SGCZ: variants seen among roughly 807,000 people sequenced by gnomAD.
SGCZ encodes sarcoglycan zeta, also known as zeta-sarcoglycan.
SGCZ carries 40 observed loss-of-function variants against 41.3 expected under a neutral mutation model. The observed-to-expected ratio is 0.97, with a 90% confidence interval of 0.75 to 1.26. The LOEUF is 1.26. Ranked by LOEUF, SGCZ falls within the 50% of genes most tolerant of loss-of-function variation. The probability of loss-of-function intolerance (pLI) is 0.00; values close to 1 mark genes in which losing one functional copy is unlikely to be tolerated. For missense variants in SGCZ, 552 were observed against 369.8 expected (o/e 1.49, Z -4.04); for synonymous variants, 206 against 137.5 (o/e 1.50, Z -3.49).
At chr8:14,977,924 CAT>C (rs148245364) in intron 1 of SGCZ, among the ~76,000 whole-genome samples, 2 of 151,358 alleles carry the variant, frequency 1.3e-5, no homozygotes, top group African/African-American at 2.4e-5. Context: ...TATACACACA[CAT>C]ATATATCTAA....
At position 14,287,378 on chromosome 8, in the gene SGCZ, C is replaced by G. The variant is rs1026882607; in HGVS notation, c.336+36725G>C. 2.0e-4 allele frequency among the ~76,000 whole-genome samples: 30 copies of G among 151,998 alleles called. 1 individual carries two copies. The highest frequency in any genetic ancestry group is 1.4e-3 in the Admixed American group (21 of 15,228). ...AATAACAACCCTCTATTTGACTTTG[C>G]TTAATAACAATTAAGTGCTAAGACT... On this transcript the variant is annotated intron_variant, in intron 3 of 7. Coordinates refer to ENST00000382080, the MANE Select transcript of SGCZ (RefSeq NM_139167.4).
intron 1 of SGCZ, among the ~76,000 whole-genome samples, chr8:15,202,115 A>G (rs1386241773): frequency 6.6e-6 from 1 of 152,208 alleles, no homozygotes; most frequent in Non-Finnish European, 1.5e-5. Context: ...AAGCAACTGA[A>G]TAACAATTTC....
chr8:14,555,144 C>G (rs760181205), intron 1 of SGCZ, among the ~76,000 whole-genome samples: 7 of 151,852 alleles, frequency 4.6e-5, no homozygotes, highest in Admixed American at 3.9e-4. Context: ...ATTGTTATAT[C>G]CACAATATAT....
intron 1 of SGCZ, among the ~76,000 whole-genome samples, chr8:15,092,045 G>A (rs1185576792): frequency 1.3e-5 from 2 of 152,112 alleles, no homozygotes; most frequent in Non-Finnish European, 2.9e-5. Context: ...GAGGCACCGT[G>A]CCTGGCCACT....
At chr8:14,121,523 A>T (rs955289031) in intron 5 of SGCZ, among the ~76,000 whole-genome samples, 2 of 152,144 alleles carry the variant, frequency 1.3e-5, no homozygotes, top group African/African-American at 4.8e-5. Context: ...CTTTCAAATT[A>T]TACAGGGTTT....
At chr8:15,237,285 C>A (rs1456481198) in intron 1 of SGCZ, among the ~76,000 whole-genome samples, 1 of 152,054 alleles carries the variant, frequency 6.6e-6, no homozygotes, top group African/African-American at 2.4e-5. Flanking sequence ...GCAAGAGGCG[C>A]AGGGTCTGCA....
At chr8:14,317,769 A>C (rs1377896786) in intron 3 of SGCZ, among the ~76,000 whole-genome samples, 2 of 151,964 alleles carry the variant, frequency 1.3e-5, no homozygotes. Flanking sequence ...CATAAAAGTC[A>C]TGGCAAAAAC....
intron 1 of SGCZ, among the ~76,000 whole-genome samples, chr8:14,744,692 TG>T (rs1279324826): frequency 2.0e-5 from 3 of 152,074 alleles, no homozygotes; most frequent in African/African-American, 7.2e-5. Context: ...ACTTGCAGAA[TG>T]ACTGAAAAAA....
intron 1 of SGCZ, among the ~76,000 whole-genome samples, chr8:15,059,843 T>C (rs955441687): frequency 1.1e-4 from 16 of 152,288 alleles, no homozygotes; most frequent in African/African-American, 3.4e-4. Flanking sequence ...CTTTCCAAGG[T>C]CTTTTCATCC....
chr8:14,548,118 T>C (rs2117169866), intron 2 of SGCZ, among the ~76,000 whole-genome samples: 1 of 152,244 alleles, frequency 6.6e-6, no homozygotes, highest in Non-Finnish European at 1.5e-5. Flanking sequence ...GATTTCTACA[T>C]CAGCCTGATG....
chr8:14,203,781 G>T (rs1442430690), intron 4 of SGCZ, among the ~76,000 whole-genome samples: 2 of 152,098 alleles, frequency 1.3e-5, no homozygotes, highest in African/African-American at 4.8e-5. Context: ...TTGATGGGGA[G>T]AATTAGAGGG....
At chr8:14,411,125 GTT>G (rs1216374133) in intron 2 of SGCZ, among the ~76,000 whole-genome samples, 1 of 151,930 alleles carries the variant, frequency 6.6e-6, no homozygotes, top group Non-Finnish European at 1.5e-5. Context: ...CAACCAATGC[GTT>G]TTGTTTCTGC....
chr8:14,811,967 C>A (rs1801751280), intron 1 of SGCZ, among the ~76,000 whole-genome samples: 1 of 151,904 alleles, frequency 6.6e-6, no homozygotes, highest in Non-Finnish European at 1.5e-5. Context: ...GAGTTCTCAT[C>A]TGTACCCTGA....
At chr8:14,461,582 T>C (rs1800903350) in intron 2 of SGCZ, among the ~76,000 whole-genome samples, 1 of 152,102 alleles carries the variant, frequency 6.6e-6, no homozygotes, top group Non-Finnish European at 1.5e-5. Context: ...GACGAATCAG[T>C]ATGGCAGTTT....
intron 1 of SGCZ, among the ~76,000 whole-genome samples, chr8:14,684,057 G>C (rs1182752899): frequency 6.6e-6 from 1 of 152,194 alleles, no homozygotes; most frequent in Non-Finnish European, 1.5e-5. Flanking sequence ...CAGTCCTAGA[G>C]ATTATGAAAC....
chr8:15,141,834 G>C (rs1345068022), intron 1 of SGCZ, among the ~76,000 whole-genome samples: 1 of 151,890 alleles, frequency 6.6e-6, no homozygotes, highest in African/African-American at 2.4e-5. Context: ...CCAGGAAGCG[G>C]AGATTGCAGT....
At chr8:15,066,472 C>A (rs62493717) in intron 1 of SGCZ, among the ~76,000 whole-genome samples, 10,740 of 152,066 alleles carry the variant, frequency 0.071, 469 homozygotes, top group South Asian at 0.12. Context: ...AAAGATAATG[C>A]ACTTCAAAAA....
At chr8:15,007,474 A>G (rs900848998) in intron 1 of SGCZ, among the ~76,000 whole-genome samples, 7 of 152,250 alleles carry the variant, frequency 4.6e-5, no homozygotes, top group African/African-American at 1.2e-4. Flanking sequence ...AGAGGGTAAT[A>G]TTGAAGCCAC....
At chr8:14,649,747 T>G (rs1246713746) in intron 1 of SGCZ, among the ~76,000 whole-genome samples, 1 of 152,022 alleles carries the variant, frequency 6.6e-6, no homozygotes, top group Non-Finnish European at 1.5e-5. Context: ...AACAAACGCC[T>G]GTGAGGCTGG....
Sources: gnomAD v4.1 joint callset for allele counts (sites outside exome capture counted in the v4.1 genomes callset) on GRCh38, gnomAD v4.1.1 for gene constraint, MANE v1.5 for transcripts, NCBI Gene and HGNC (gene_info 2026-07-23, HGNC 2026-07-21) for gene names.